The following KAZN variants were observed in gnomAD, a reference collection of about 807,000 sequenced individuals.
The protein encoded by KAZN is kazrin, periplakin interacting protein.
A neutral mutation model predicts 87.4 loss-of-function variants in KAZN; 40 were observed. The observed-to-expected ratio is 0.46, with a 90% CI of 0.36 to 0.60. The LOEUF is 0.60. Among genes scored for constraint, KAZN ranks in the 20% least tolerant of loss-of-function variants. The pLI is 0.00. For synonymous variants in KAZN, 466 were observed against 458.3 expected (o/e 1.02, Z -0.22); for missense variants, 898 against 1,073.9 (o/e 0.84, Z 2.29).
At chr1:14,721,296 G>A (rs1272827155) in intron 1 of KAZN, among the ~76,000 whole-genome samples, 1 of 152,200 alleles carries the variant, frequency 6.6e-6, no homozygotes, top group Non-Finnish European at 1.5e-5. Context: ...GGTTTTATCA[G>A]AGGCTTTTCC....
At position 13,893,833 on chromosome 1, in the gene KAZN, C is replaced by CTGTGTGTG. The variant is rs1251603172; in HGVS notation, c.91+79_91+86dup. On this transcript the variant is annotated intron_variant, in intron 1 of 16. Transcript: ENST00000636203. ...ATCCCGGGTCCCCAAAAACAGCGGT[C>CTGTGTGTG]TGTGTGTGTCTGTGTGTCTGTCAGT... 5 of 1,457,976 alleles carry CTGTGTGTG rather than the reference C, an allele frequency of 3.4e-6. No individual in the cohort carries two copies. In the Admixed American group the frequency reaches 6.5e-5, roughly 19 times the overall value. The allele number at this position is 1,457,976 out of a possible 1,614,324, so 90.3% of individuals were successfully genotyped here.
intron 1 of KAZN, among the ~76,000 whole-genome samples, chr1:14,152,899 G>C (rs1184838898): frequency 6.6e-6 from 1 of 152,154 alleles, no homozygotes; most frequent in Non-Finnish European, 1.5e-5. Flanking sequence ...GGAGTGAGAT[G>C]ATATCTCATT....
At chr1:15,112,217 G>A in intron 13 of KAZN, 1 of 576,864 alleles carries the variant, frequency 1.7e-6, no homozygotes, top group East Asian at 2.9e-5. Context: ...TGCTGGGCTG[G>A]CAGTCCCAAG....
At chr1:15,075,731 G>A (rs1383312309) in intron 8 of KAZN, among the ~76,000 whole-genome samples, 2 of 152,202 alleles carry the variant, frequency 1.3e-5, no homozygotes, top group African/African-American at 2.4e-5. Context: ...CCAAAGCAGT[G>A]CACAGCACCC....
At chr1:14,157,729 C>T (rs61777766) in intron 1 of KAZN, among the ~76,000 whole-genome samples, 31,967 of 151,966 alleles carry the variant, frequency 0.21, 3,786 homozygotes, top group East Asian at 0.33. Context: ...TTTCCCACTG[C>T]TACAAAGATA....
intron 1 of KAZN, among the ~76,000 whole-genome samples, chr1:14,748,403 C>T (rs891894913): frequency 1.3e-5 from 2 of 152,130 alleles, no homozygotes; most frequent in Admixed American, 6.5e-5. Context: ...CTGGGTTAAG[C>T]CACTCACTAG....
At chr1:14,209,395 G>GT (rs1646808976) in intron 2 of KAZN, among the ~76,000 whole-genome samples, 2 of 151,174 alleles carry the variant, frequency 1.3e-5, no homozygotes, top group African/African-American at 2.4e-5. Context: ...CAGGGGAGAT[G>GT]TTTTTTTCCA....
chr1:14,052,652 G>C (rs781050033), intron 1 of KAZN, among the ~76,000 whole-genome samples: 15 of 152,202 alleles, frequency 9.9e-5, no homozygotes, highest in Non-Finnish European at 1.9e-4. Flanking sequence ...GGATGTGTAG[G>C]GGGGCAGAGG....
chr1:13,973,885 G>T (rs184776711), intron 1 of KAZN, among the ~76,000 whole-genome samples: 1 of 152,126 alleles, frequency 6.6e-6, no homozygotes, highest in Non-Finnish European at 1.5e-5. Flanking sequence ...CCCCTGCATC[G>T]GGTGTCCCCA....
At chr1:14,749,089 A>G (rs1644339637) in intron 1 of KAZN, among the ~76,000 whole-genome samples, 1 of 152,166 alleles carries the variant, frequency 6.6e-6, no homozygotes, top group Non-Finnish European at 1.5e-5. Flanking sequence ...TCCTGCTATT[A>G]AAGACCCTAT....
At chr1:14,814,395 T>C (rs1646504833) in intron 1 of KAZN, among the ~76,000 whole-genome samples, 2 of 152,166 alleles carry the variant, frequency 1.3e-5, no homozygotes, top group Non-Finnish European at 2.9e-5. Flanking sequence ...TTTGTATTTG[T>C]AGTAGAGACG....
At chr1:14,214,491 C>G (rs1646919040) in intron 2 of KAZN, among the ~76,000 whole-genome samples, 1 of 152,154 alleles carries the variant, frequency 6.6e-6, no homozygotes, top group South Asian at 2.1e-4. Flanking sequence ...CCTTCTTACT[C>G]TACAGCTTCC....
At chr1:14,037,494 C>T (rs1641611075) in intron 1 of KAZN, among the ~76,000 whole-genome samples, 1 of 152,162 alleles carries the variant, frequency 6.6e-6, no homozygotes, top group Non-Finnish European at 1.5e-5. Context: ...CCTTGTTGGT[C>T]AGTGGAGGAA....
intron 1 of KAZN, among the ~76,000 whole-genome samples, chr1:14,870,207 A>G (rs1651986442): frequency 6.6e-6 from 1 of 152,152 alleles, no homozygotes; most frequent in African/African-American, 2.4e-5. Context: ...AGACCCTTCT[A>G]CTCAAAACCA....
At chr1:14,801,755 C>T (rs186444355) in intron 1 of KAZN, among the ~76,000 whole-genome samples, 5 of 151,574 alleles carry the variant, frequency 3.3e-5, no homozygotes, top group Non-Finnish European at 5.9e-5. Flanking sequence ...TTGATCTCGG[C>T]TCACTGCAAG....
In KAZN at chr1:13,980,038, G is replaced by A. The variant is rs150209728; in HGVS notation, c.91+86282G>A. Reference sequence around the variant, plus strand: ...CATAAATGCCTTTAAAGTGTTAGACGGTTCTGACATTGTCCAAGAAGTGTC... The same window carrying A: ...CATAAATGCCTTTAAAGTGTTAGACAGTTCTGACATTGTCCAAGAAGTGTC... On this transcript the variant is annotated intron_variant, in intron 1 of 16. Coordinates refer to the KAZN transcript ENST00000636203. Among the ~76,000 whole-genome samples, 17 of 152,152 alleles carry A rather than the reference G, an allele frequency of 1.1e-4. No homozygotes were observed. The East Asian group carries it at 1.7e-3, about 16-fold the overall frequency.
intron 1 of KAZN, among the ~76,000 whole-genome samples, chr1:14,752,148 CAG>C (rs1644430008): frequency 6.6e-6 from 1 of 152,108 alleles, no homozygotes; most frequent in African/African-American, 2.4e-5. Flanking sequence ...TGGGAACTAA[CAG>C]AGTGAGAATT....
intron 1 of KAZN, among the ~76,000 whole-genome samples, chr1:13,934,815 G>C (rs1210962142): frequency 6.6e-6 from 1 of 152,190 alleles, no homozygotes; most frequent in African/African-American, 2.4e-5. Context: ...TCCTCTGAGT[G>C]ACTGAGAGCT....
intron 3 of KAZN, among the ~76,000 whole-genome samples, chr1:15,042,047 T>A (rs1287099808): frequency 1.3e-5 from 2 of 152,216 alleles, no homozygotes; most frequent in Non-Finnish European, 2.9e-5. Context: ...CCGCGGAATA[T>A]GACCCCAAGA....
Sources: allele counts gnomAD v4.1 joint callset (sites outside exome capture counted in the v4.1 genomes callset), GRCh38; gene constraint gnomAD v4.1.1; transcripts MANE v1.5; gene names NCBI Gene and HGNC (gene_info 2026-07-23, HGNC 2026-07-21).